Variants in SNX5 observed in about 807,000 individuals in gnomAD.
The protein encoded by SNX5 is sorting nexin 5.
In SNX5, 31 loss-of-function variants were observed where a neutral mutation model predicts 53.9. The observed-to-expected ratio is 0.58, with a 90% confidence interval of 0.43 to 0.78. The LOEUF (loss-of-function observed/expected upper bound fraction) is 0.78. Ranked by LOEUF, SNX5 falls within the 30% of genes least tolerant of loss-of-function variation. The probability of loss-of-function intolerance (pLI) is 0.00; values close to 1 mark genes in which losing one functional copy is unlikely to be tolerated. For synonymous variants in SNX5, 168 were observed against 171.1 expected (o/e 0.98, Z 0.14); for missense variants, 471 against 478.8 (o/e 0.98, Z 0.15).
intron 11 of SNX5, among the ~76,000 whole-genome samples, chr20:17,945,749 C>G (rs2039480358): frequency 6.6e-6 from 1 of 152,128 alleles, no homozygotes; most frequent in South Asian, 2.1e-4. Flanking sequence ...TTGTGCCTTA[C>G]AGTTAAGGCA....
At chr20:17,943,791 T>TA (rs1253669812) in intron 11 of SNX5, 3 of 152,274 alleles carry the variant, frequency 2.0e-5, no homozygotes, top group African/African-American at 7.2e-5. Flanking sequence ...GAAAATGGTA[T>TA]AGAGGTTCCT....
At chr20:17,959,725 G>A (rs111399662) in intron 1 of SNX5, among the ~76,000 whole-genome samples, 5 of 152,172 alleles carry the variant, frequency 3.3e-5, no homozygotes, top group African/African-American at 4.8e-5. Flanking sequence ...ACAAACATGG[G>A]TAGAAACTTG....
intron 2 of SNX5, among the ~76,000 whole-genome samples, chr20:17,955,939 G>A (rs996903658): frequency 6.6e-6 from 1 of 152,104 alleles, no homozygotes; most frequent in Non-Finnish European, 1.5e-5. Flanking sequence ...GGAACTACAG[G>A]TGTGTGCTAC....
At chr20:17,946,616 T>C (rs2039491069) in intron 11 of SNX5, among the ~76,000 whole-genome samples, 1 of 152,204 alleles carries the variant, frequency 6.6e-6, no homozygotes, top group Admixed American at 6.5e-5. Context: ...GGATGACAAG[T>C]GCCAACTTGG....
chr20:17,954,549 G>C (rs1323753173), intron 3 of SNX5, among the ~76,000 whole-genome samples: 5 of 152,148 alleles, frequency 3.3e-5, no homozygotes, highest in Admixed American at 2.6e-4. Context: ...CTAAATATAA[G>C]CTTCGGTATT....
chr20:17,958,376 A>G (rs187942071), intron 1 of SNX5, among the ~76,000 whole-genome samples: 1 of 152,352 alleles, frequency 6.6e-6, no homozygotes, highest in East Asian at 1.9e-4. Flanking sequence ...AATCTGGTCA[A>G]TCAGCTATAA....
chr20:17,942,074 C>T lies in SNX5; in HGVS notation c.*283G>A, dbSNP rs2039424466. 5.3e-6 allele frequency: 2 copies of T among 374,956 alleles called. No individual in the cohort carries two copies. Among genetic ancestry groups the T allele is most frequent in the Middle Eastern group, 8.8e-4 (1 of 1,130 alleles). 23.2% of individuals were successfully genotyped at this position (374,956 alleles called of 1,614,324 possible). A position where few individuals can be genotyped will look rare whatever the true frequency, so the allele number is the denominator to read the frequency against. On this transcript the variant is annotated 3_prime_UTR_variant, in exon 13 of 13. Coordinates refer to ENST00000377759, the MANE Select transcript of SNX5 (RefSeq NM_014426.4). Reference sequence around the variant, plus strand: ...GTTTCCAGAAGGCTAATGTGTCCTACACCCTTTCTTAGTAACTAAAGACGA... The same window carrying T: ...GTTTCCAGAAGGCTAATGTGTCCTATACCCTTTCTTAGTAACTAAAGACGA...
intron 3 of SNX5, among the ~76,000 whole-genome samples, chr20:17,954,535 A>G (rs779218492): frequency 1.9e-4 from 29 of 152,238 alleles, no homozygotes; most frequent in African/African-American, 2.7e-4. Context: ...AATGAAAGAC[A>G]TATCTAAATA....
chr20:17,956,580 CAGG>C (rs1486218494), intron 2 of SNX5, among the ~76,000 whole-genome samples: 5 of 143,402 alleles, frequency 3.5e-5, no homozygotes, highest in Non-Finnish European at 6.0e-5. Context: ...GTGGCTGAGG[CAGG>C]AGAATTGCTT....
At chr20:17,956,764 A>G (rs1282560394) in intron 2 of SNX5, among the ~76,000 whole-genome samples, 169 bp downstream of exon 2, 1 of 151,484 alleles carries the variant, frequency 6.6e-6, no homozygotes, top group Non-Finnish European at 1.5e-5. Flanking sequence ...TGCCGCCACA[A>G]TGGCACTCAC....
chr20:17,951,648 T>G, intron 5 of SNX5, 53 bp from the exon 6 acceptor site: 1 of 1,238,838 alleles, frequency 8.1e-7, no homozygotes, highest in Non-Finnish European at 1.2e-6. Flanking sequence ...TTCTAGATTC[T>G]CTTAAAGAAG....
chr20:17,955,268 T>C lies in SNX5; in HGVS notation c.267+97A>G, dbSNP rs2035333794. Reference sequence around the variant, plus strand: ...CCAGTAGGTAGATGAAATCTAACTTTTCACAATCCATTAAAAAAAGTGGAT... The same window carrying C: ...CCAGTAGGTAGATGAAATCTAACTTCTCACAATCCATTAAAAAAAGTGGAT... On this transcript the variant is annotated intron_variant, in intron 3 of 12. Transcript: ENST00000377759. The C allele has an allele frequency of 3.7e-6, 3 of 809,962 alleles. No homozygotes were observed. The Admixed American group carries it at 7.9e-5, about 21-fold the overall frequency. 50.2% of individuals were successfully genotyped at this position (809,962 alleles called of 1,614,324 possible).
At chr20:17,961,816 T>G (rs986956740) in intron 1 of SNX5, 1 of 985,334 alleles carries the variant, frequency 1.0e-6, no homozygotes, top group African/African-American at 1.7e-5. Context: ...TGACAAATCA[T>G]CGATGATTCT....
At chr20:17,942,574 T>TC in intron 12 of SNX5, 167 bp from the exon 13 acceptor site, 1 of 629,940 alleles carries the variant, frequency 1.6e-6, no homozygotes, top group African/African-American at 1.8e-5. Flanking sequence ...GTACCACGCA[T>TC]CCCCATTTCA....
intron 8 of SNX5, among the ~76,000 whole-genome samples, chr20:17,949,426 CA>C (rs1246834918): frequency 6.6e-6 from 1 of 152,190 alleles, no homozygotes; most frequent in African/African-American, 2.4e-5. Flanking sequence ...CATCACAAAG[CA>C]GTAAATATGC....
chr20:17,963,540 C>T (rs185125756), intron 1 of SNX5, among the ~76,000 whole-genome samples: 2 of 152,200 alleles, frequency 1.3e-5, no homozygotes, highest in African/African-American at 4.8e-5. Flanking sequence ...ACTACCCAAT[C>T]CCATCATGGC....
intron 10 of SNX5, 46 bp downstream of exon 10, chr20:17,948,844 T>G: frequency 6.7e-7 from 1 of 1,487,764 alleles, no homozygotes; most frequent in Non-Finnish European, 9.3e-7. Flanking sequence ...TTAAACAGAC[T>G]TCTGGTCCTG....
chr20:17,947,000 A>G (rs2039495900), intron 11 of SNX5: 2 of 152,490 alleles, frequency 1.3e-5, no homozygotes, highest in Admixed American at 6.5e-5. Flanking sequence ...CAGGATTTGT[A>G]AAGAGATTCT....
intron 1 of SNX5, chr20:17,961,597 AAATT>A (rs1418179981): frequency 4.3e-6 from 4 of 932,746 alleles, no homozygotes; most frequent in Non-Finnish European, 5.1e-6. Context: ...TATCCCACAT[AAATT>A]ACTACAGATA....
Sources: gnomAD v4.1 joint callset for allele counts (sites outside exome capture counted in the v4.1 genomes callset) on GRCh38, gnomAD v4.1.1 for gene constraint, MANE v1.5 for transcripts, NCBI Gene and HGNC (gene_info 2026-07-23, HGNC 2026-07-21) for gene names.